Variants in EFHC1 observed in about 807,000 individuals in gnomAD.
The protein encoded by EFHC1 is EF-hand domain-containing protein 1.
In EFHC1, 53 loss-of-function variants were observed where a neutral mutation model predicts 69.9. That is an observed-to-expected ratio of 0.76 (90% confidence interval 0.61 to 0.95). The LOEUF is 0.95. Ranked by LOEUF, EFHC1 falls within the 40% of genes least tolerant of loss-of-function variation. EFHC1 has a pLI of 0.00. For missense variants in EFHC1, 739 were observed against 798.7 expected (o/e 0.93, Z 0.90); for synonymous variants, 256 against 278.4 (o/e 0.92, Z 0.80).
chr6:52,442,129 A>AGTGTAAAAGC, intron 3 of EFHC1, among the ~76,000 whole-genome samples: 1 of 152,182 alleles, frequency 6.6e-6, no homozygotes, highest in South Asian at 2.1e-4. Flanking sequence ...CAAGACTTCC[A>AGTGTAAAAGC]ATATTGTCTT....
At position 52,494,642 on chromosome 6, in the gene EFHC1, C is replaced by G; in HGVS notation, c.*2301C>G. 2.2e-6 allele frequency: 1 copy of G among 454,004 alleles called. No homozygotes were observed. The highest frequency in any genetic ancestry group is 4.4e-6 in the Non-Finnish European group (1 of 226,780). 28.1% of individuals were successfully genotyped at this position (454,004 alleles called of 1,614,324 possible). A position where few individuals can be genotyped will look rare whatever the true frequency, so the allele number is the denominator to read the frequency against. On this transcript the variant is annotated 3_prime_UTR_variant, in exon 11 of 11. Transcript: ENST00000371068. ...AGGTTTGTTACATGAGTATATTGCACCCAGGTAGTGAGCATAGTGCCCAGT... is the reference window on the plus strand; with the variant it reads ...AGGTTTGTTACATGAGTATATTGCAGCCAGGTAGTGAGCATAGTGCCCAGT...
chr6:52,453,693 C>T (rs1162766817), intron 4 of EFHC1: 1 of 1,250,048 alleles, frequency 8.0e-7, no homozygotes, highest in Non-Finnish European at 1.0e-6. Flanking sequence ...CAAAAAAAGA[C>T]TGGTTAATAA....
chr6:52,438,100 A>G (rs1764573790), intron 2 of EFHC1, among the ~76,000 whole-genome samples: 1 of 152,184 alleles, frequency 6.6e-6, no homozygotes, highest in East Asian at 1.9e-4. Flanking sequence ...GCAGGTCATA[A>G]AAAAAACAGG....
At position 52,497,096 on chromosome 6, in the gene EFHC1, T is replaced by C. The variant is rs561521732; in HGVS notation, c.*4755T>C. 1 of 152,262 alleles carries C rather than the reference T, an allele frequency of 6.6e-6. No individual in the cohort carries two copies. The highest frequency in any genetic ancestry group is 2.1e-4 in the South Asian group (1 of 4,820). 9.4% of individuals were successfully genotyped at this position (152,262 alleles called of 1,614,324 possible). On this transcript the variant is annotated 3_prime_UTR_variant, in exon 11 of 11. Transcript: ENST00000371068. ...AGGCATCAAGGATGATGTGCTTGTT[T>C]CTGGAGCTTCCTACCCACAAACCCC...
chr6:52,451,299 C>T (rs1226277598), intron 3 of EFHC1, among the ~76,000 whole-genome samples: 1 of 151,966 alleles, frequency 6.6e-6, no homozygotes, highest in African/African-American at 2.4e-5. Flanking sequence ...ATTTAGTGCT[C>T]CTTTTAAGAT....
rs1273725299 is a variant in EFHC1, at chr6:52,494,039, G to GTT, written c.*1701_*1702dup. On this transcript the variant is annotated 3_prime_UTR_variant, in exon 11 of 11. Transcript: ENST00000371068. ...GGTTATTATCTTGGGAATAACCCAT[G>GTT]TTTTGTTTTGTTTTACCCTCAGTCG... is the stretch of plus-strand genomic sequence containing the variant. 2 of 453,046 alleles carry GTT rather than the reference G, an allele frequency of 4.4e-6. No homozygotes were observed. Among genetic ancestry groups the GTT allele is most frequent in the Non-Finnish European group, 8.8e-6 (2 of 226,674 alleles). 28.1% of individuals were successfully genotyped at this position (453,046 alleles called of 1,614,324 possible). A position where few individuals can be genotyped will look rare whatever the true frequency, so the allele number is the denominator to read the frequency against.
intron 2 of EFHC1, among the ~76,000 whole-genome samples, chr6:52,428,955 A>G (rs1764361122): frequency 6.6e-6 from 1 of 152,098 alleles, no homozygotes; most frequent in South Asian, 2.1e-4. Context: ...GATGTTGAAC[A>G]TTTTTTCATA....
intron 7 of EFHC1, among the ~76,000 whole-genome samples, chr6:52,471,020 T>C (rs986299501): frequency 8.5e-5 from 13 of 152,350 alleles, no homozygotes; most frequent in African/African-American, 3.1e-4. Flanking sequence ...TGTATGTTTA[T>C]GTGTGTTAGC....
chr6:52,428,436 C>T (rs1462930275), intron 2 of EFHC1, among the ~76,000 whole-genome samples: 2 of 152,090 alleles, frequency 1.3e-5, no homozygotes, highest in African/African-American at 4.8e-5. Context: ...TGAGAACATA[C>T]AATGTTTGGT....
chr6:52,482,433 G>C (rs1346148198), intron 9 of EFHC1: 2 of 178,280 alleles, frequency 1.1e-5, no homozygotes, highest in Non-Finnish European at 2.3e-5. Context: ...TTTTTACTTA[G>C]CACATTGTAA....
At chr6:52,484,205 A>G (rs922571551) in intron 9 of EFHC1, 2 of 152,156 alleles carry the variant, frequency 1.3e-5, no homozygotes, top group African/African-American at 4.8e-5. Flanking sequence ...AGAAGCACCA[A>G]CTATTCACCT....
intron 2 of EFHC1, among the ~76,000 whole-genome samples, chr6:52,435,222 A>C (rs573097506): frequency 6.6e-6 from 1 of 152,302 alleles, no homozygotes; most frequent in South Asian, 2.1e-4. Context: ...AATTAAGCAT[A>C]TCTAAAACTG....
chr6:52,433,056 C>T (rs1203755658), intron 2 of EFHC1, among the ~76,000 whole-genome samples: 1 of 151,840 alleles, frequency 6.6e-6, no homozygotes, highest in Non-Finnish European at 1.5e-5. Context: ...TTTATTTATG[C>T]TATTTCATTG....
At chr6:52,438,663 T>C (rs557444845) in intron 3 of EFHC1, 72 bp downstream of exon 3, 2 of 1,527,344 alleles carry the variant, frequency 1.3e-6, no homozygotes, top group Admixed American at 3.3e-5. Context: ...ACATTTCATT[T>C]ATTAGGGTAA....
intron 2 of EFHC1, among the ~76,000 whole-genome samples, chr6:52,433,213 T>C (rs1433914514): frequency 6.6e-6 from 1 of 152,162 alleles, no homozygotes; most frequent in African/African-American, 2.4e-5. Flanking sequence ...AATCTATTGC[T>C]GGTGAGCTAG....
At chr6:52,421,919 T>C (rs950083473) in intron 1 of EFHC1, among the ~76,000 whole-genome samples, 5 of 152,210 alleles carry the variant, frequency 3.3e-5, no homozygotes, top group Non-Finnish European at 7.3e-5. Context: ...TGCAAAGCTC[T>C]AAAAACATAT....
chr6:52,474,919 G>C (rs1406724021), intron 7 of EFHC1, among the ~76,000 whole-genome samples: 1 of 151,868 alleles, frequency 6.6e-6, no homozygotes, highest in Non-Finnish European at 1.5e-5. Flanking sequence ...GCAGCGTTCT[G>C]TTTCTCAACC....
At chr6:52,424,534 A>G (rs1764263241) in intron 2 of EFHC1, among the ~76,000 whole-genome samples, 1 of 152,238 alleles carries the variant, frequency 6.6e-6, no homozygotes. Flanking sequence ...AATCTTCATG[A>G]GATGCAGAAT....
At chr6:52,437,858 G>A (rs1764567088) in intron 2 of EFHC1, among the ~76,000 whole-genome samples, 1 of 152,110 alleles carries the variant, frequency 6.6e-6, no homozygotes, top group African/African-American at 2.4e-5. Flanking sequence ...AGGGTTAGGG[G>A]TTCAACATAT....
Sources: gnomAD v4.1 joint callset for allele counts (sites outside exome capture counted in the v4.1 genomes callset) on GRCh38, gnomAD v4.1.1 for gene constraint, MANE v1.5 for transcripts, NCBI Gene and HGNC (gene_info 2026-07-23, HGNC 2026-07-21) for gene names.